Variants in EIF3H observed in about 807,000 individuals in gnomAD.
EIF3H encodes eIF-3-gamma.
A neutral mutation model predicts 44.2 loss-of-function variants in EIF3H; 26 were observed. The observed-to-expected ratio is 0.59, with a 90% confidence interval of 0.43 to 0.82. EIF3H has a LOEUF of 0.82. Among genes scored for constraint, EIF3H ranks in the 40% least tolerant of loss-of-function variants. The probability of loss-of-function intolerance (pLI) is 0.00; values close to 1 mark genes in which losing one functional copy is unlikely to be tolerated. For missense variants in EIF3H, 359 were observed against 432.8 expected (o/e 0.83, Z 1.51); for synonymous variants, 166 against 151.9 (o/e 1.09, Z -0.68).
At chr8:116,763,266 T>C (rs1384885510) in intron 1 of EIF3H, among the ~76,000 whole-genome samples, 3 of 152,212 alleles carry the variant, frequency 2.0e-5, no homozygotes, top group Non-Finnish European at 2.9e-5. Context: ...AGAGTATCTC[T>C]ACATAAATAT....
intron 2 of EIF3H, among the ~76,000 whole-genome samples, chr8:116,701,551 G>A (rs1814375459): frequency 6.6e-6 from 1 of 152,094 alleles, no homozygotes; most frequent in Admixed American, 6.5e-5. Context: ...AAGAAACCTG[G>A]CAGTCACCAC....
intron 2 of EIF3H, among the ~76,000 whole-genome samples, chr8:116,673,983 T>C (rs931173499): frequency 5.3e-5 from 7 of 132,724 alleles, no homozygotes; most frequent in Non-Finnish European, 1.1e-4. Context: ...GGCAGGAGAA[T>C]GGCGTGAACC....
intron 1 of EIF3H, among the ~76,000 whole-genome samples, chr8:116,764,908 T>C (rs959685446): frequency 1.3e-5 from 2 of 152,232 alleles, no homozygotes; most frequent in Non-Finnish European, 2.9e-5. Context: ...CACTGTCATA[T>C]ACATAGAGCT....
chr8:116,674,412 T>G (rs146329625), intron 2 of EIF3H, among the ~76,000 whole-genome samples: 2,238 of 151,972 alleles, frequency 0.015, 48 homozygotes, highest in African/African-American at 0.05. Flanking sequence ...GGTAGCAATA[T>G]CCTCTTCTTG....
chr8:116,732,212 G>T (rs890786080), intron 1 of EIF3H, among the ~76,000 whole-genome samples: 1 of 151,748 alleles, frequency 6.6e-6, no homozygotes, highest in South Asian at 2.1e-4. Flanking sequence ...TTTTTAAAGT[G>T]TCTGGCTTTA....
In EIF3H at chr8:116,680,830, A is replaced by T. The variant is rs531519781; in HGVS notation, c.290-21850T>A. 1.0e-2 allele frequency among the ~76,000 whole-genome samples: 619 copies of T among 62,210 alleles called. 4 individuals carry two copies. Among genetic ancestry groups the T allele is most frequent in the African/African-American group, 0.03 (554 of 18,384 alleles). 40.8% of individuals were successfully genotyped at this position (62,210 alleles called of 152,430 possible). ...ACACCCAAGAATGATCAATAAAAAA[A>T]AATAATAATAAATAAATAAAAAAAA... On this transcript the variant is annotated intron_variant, in intron 2 of 7. Coordinates refer to ENST00000521861, the MANE Select transcript of EIF3H (RefSeq NM_003756.3).
chr8:116,655,421 C>T (rs1813472460), intron 5 of EIF3H, among the ~76,000 whole-genome samples: 2 of 152,034 alleles, frequency 1.3e-5, no homozygotes, highest in African/African-American at 2.4e-5. Flanking sequence ...GAGTCTGCAT[C>T]TGAACAAGGG....
At chr8:116,724,181 G>T (rs1318477679) in intron 2 of EIF3H, among the ~76,000 whole-genome samples, 2 of 152,114 alleles carry the variant, frequency 1.3e-5, no homozygotes, top group Non-Finnish European at 2.9e-5. Flanking sequence ...TTTAACGAGG[G>T]TGCCAAGATG....
chr8:116,734,769 A>T (rs1460965748), intron 1 of EIF3H, among the ~76,000 whole-genome samples: 2 of 152,216 alleles, frequency 1.3e-5, no homozygotes, highest in Non-Finnish European at 2.9e-5. Flanking sequence ...CATGTTGGCC[A>T]GGCTGGTCTC....
intron 1 of EIF3H, among the ~76,000 whole-genome samples, chr8:116,732,510 C>T (rs1016020566): frequency 1.3e-5 from 2 of 152,082 alleles, no homozygotes; most frequent in African/African-American, 4.8e-5. Context: ...TCAAATTTGA[C>T]CAAAATAAAT....
chr8:116,646,725 A>G (rs1813308014), intron 6 of EIF3H, 122 bp from the exon 7 acceptor site: 1 of 1,333,960 alleles, frequency 7.5e-7, no homozygotes. Flanking sequence ...AGTTTTTATC[A>G]TTGGCAACAT....
chr8:116,719,926 A>C (rs193223648), intron 2 of EIF3H, among the ~76,000 whole-genome samples: 42 of 152,334 alleles, frequency 2.8e-4, no homozygotes, highest in African/African-American at 9.9e-4. Flanking sequence ...CACTTCACTA[A>C]GAGTCTAAGA....
intron 6 of EIF3H, among the ~76,000 whole-genome samples, chr8:116,647,338 G>GA (rs766213390): frequency 1.3e-5 from 2 of 152,154 alleles, no homozygotes; most frequent in Non-Finnish European, 2.9e-5. Context: ...CTGACCTCGT[G>GA]ATCCACCCGC....
At chr8:116,650,156 T>G (rs917109414) in intron 5 of EIF3H, among the ~76,000 whole-genome samples, 2 of 152,234 alleles carry the variant, frequency 1.3e-5, no homozygotes. Context: ...TTTGCTTAAA[T>G]TTTAAAATGA....
upstream of EIF3H, chr8:116,755,880 G>A (rs1404749495): frequency 2.5e-6 from 4 of 1,580,704 alleles, no homozygotes; most frequent in Non-Finnish European, 3.4e-6. Flanking sequence ...CTCGCAGGCC[G>A]GCGTTCGAGG....
At chr8:116,761,919 A>G (rs887160508) in intron 1 of EIF3H, among the ~76,000 whole-genome samples, 16 of 152,194 alleles carry the variant, frequency 1.1e-4, no homozygotes, top group African/African-American at 3.6e-4. Flanking sequence ...GGGGCTCTTC[A>G]TATTTAACTA....
At chr8:116,652,061 G>C (rs151046216) in intron 5 of EIF3H, among the ~76,000 whole-genome samples, 2 of 152,182 alleles carry the variant, frequency 1.3e-5, no homozygotes, top group Non-Finnish European at 2.9e-5. Context: ...ATCGCCCCAC[G>C]AGTACATGTG....
chr8:116,709,923 A>T (rs1386339847), intron 2 of EIF3H, among the ~76,000 whole-genome samples: 1 of 152,210 alleles, frequency 6.6e-6, no homozygotes, highest in Admixed American at 6.5e-5. Flanking sequence ...GAAAAGATGA[A>T]TTGTGAGAGT....
At chr8:116,669,243 CA>C (rs2130813725) in intron 2 of EIF3H, among the ~76,000 whole-genome samples, 1 of 152,242 alleles carries the variant, frequency 6.6e-6, no homozygotes, top group African/African-American at 2.4e-5. Context: ...AGACAAGCTA[CA>C]GAAATTAGAT....
Sources: allele counts gnomAD v4.1 joint callset (sites outside exome capture counted in the v4.1 genomes callset), GRCh38; gene constraint gnomAD v4.1.1; transcripts MANE v1.5; gene names NCBI Gene and HGNC (gene_info 2026-07-23, HGNC 2026-07-21).